Variants in SHQ1 observed in about 807,000 individuals in gnomAD.
The protein encoded by SHQ1 is SHQ1, H/ACA ribonucleoprotein assembly factor.
In SHQ1, 49 loss-of-function variants were observed where a neutral mutation model predicts 53.8. The ratio of observed to expected loss-of-function variants is 0.91; its 90% CI spans 0.72 to 1.16. The LOEUF (loss-of-function observed/expected upper bound fraction) is 1.16, where lower values mean the gene tolerates loss of function less well. Ranked by LOEUF, SHQ1 falls within the 50% of genes most tolerant of loss-of-function variation. The pLI is 0.00. For missense variants in SHQ1, 738 were observed against 683.1 expected, an observed-to-expected ratio of 1.08 and a Z score of -0.90; for synonymous variants, 243 against 251.0, an observed-to-expected ratio of 0.97 and a Z score of 0.30.
At chr3:72,761,579 G>T (rs889846286) in intron 10 of SHQ1, among the ~76,000 whole-genome samples, 2 of 152,180 alleles carry the variant, frequency 1.3e-5, no homozygotes, top group African/African-American at 2.4e-5. Context: ...AAGGACAAAG[G>T]TTCCTTGACA....
intron 10 of SHQ1, among the ~76,000 whole-genome samples, chr3:72,787,375 A>G (rs1470289656): frequency 3.3e-5 from 5 of 152,246 alleles, no homozygotes; most frequent in Admixed American, 3.3e-4. Context: ...ATTTGTACTG[A>G]TAAGAGTCAG....
the SHQ1 span, among the ~76,000 whole-genome samples, chr3:72,738,706 C>G: frequency 6.6e-6 from 1 of 152,336 alleles, no homozygotes; most frequent in East Asian, 1.9e-4. Flanking sequence ...CCTTCTGTAG[C>G]TCTGCTCAGA....
intron 5 of SHQ1, 122 bp from the exon 6 acceptor site, chr3:72,824,673 G>T (rs1393805422): frequency 8.8e-7 from 1 of 1,141,622 alleles, no homozygotes; most frequent in Non-Finnish European, 1.2e-6. Context: ...ACATTTCAAG[G>T]AAAGACTGAA....
chr3:72,756,339 G>A (rs771207292), intron 10 of SHQ1, among the ~76,000 whole-genome samples: 5 of 152,174 alleles, frequency 3.3e-5, no homozygotes, highest in Non-Finnish European at 7.4e-5. Flanking sequence ...GCAGTGGAGC[G>A]ATCTCAGCTC....
rs1048385834 is a variant in SHQ1, at chr3:72,848,193, C to A, written c.143+5G>T. 1 of 1,614,170 alleles carries A rather than the reference C, an allele frequency of 6.2e-7. No individual in the cohort carries two copies. The highest frequency in any genetic ancestry group is 1.1e-5 in the South Asian group (1 of 91,084). ...CTTTCCTGCGGCCAGGCACCCCGAACTCGCCTGAGAAAGTATGGCTTGGCG... is the reference window on the plus strand; with the variant it reads ...CTTTCCTGCGGCCAGGCACCCCGAAATCGCCTGAGAAAGTATGGCTTGGCG... On this transcript the variant is annotated splice_donor_5th_base_variant and intron_variant, in intron 1 of 10. Transcript: ENST00000325599.
Position 72,824,446 on chromosome 3 carries a change from T to C in SHQ1, c.705A>G (p.Glu235=). 2 of 1,611,810 alleles carry C rather than the reference T, an allele frequency of 1.2e-6. No individual in the cohort carries two copies. The highest frequency in any genetic ancestry group is 1.7e-6 in the Non-Finnish European group (2 of 1,179,638). The part of the protein sequence containing the change: ...KMMAFLEKSQ[E]QENHATLVSF... The stretch of plus-strand genomic sequence containing the variant: ...TACCTAATGTAGCATGATTTTCTTG[T>C]TCCTGACTCTTTTCCAAAAAGGCCA... The change falls in exon 6 of 11, where the codon GAA becomes GAG. Residue 235 remains glutamate, a synonymous_variant. Coordinates refer to ENST00000325599, the MANE Select transcript of SHQ1 (RefSeq NM_018130.3).
intron 4 of SHQ1, among the ~76,000 whole-genome samples, chr3:72,833,604 A>G (rs1432810780): frequency 3.3e-5 from 5 of 152,176 alleles, no homozygotes; most frequent in African/African-American, 1.2e-4. Flanking sequence ...TGCACAGTAT[A>G]TGACTTTCCA....
At chr3:72,777,084 T>C (rs576081908) in intron 10 of SHQ1, among the ~76,000 whole-genome samples, 3 of 152,196 alleles carry the variant, frequency 2.0e-5, no homozygotes, top group East Asian at 3.9e-4. Context: ...AAATGCAAAA[T>C]GCAAAAGAAT....
Position 72,792,811 on chromosome 3 carries a change from A to C in SHQ1, c.1181+105T>G, listed in dbSNP as rs540809655. On this transcript the variant is annotated intron_variant, in intron 10 of 10. Coordinates refer to ENST00000325599, the MANE Select transcript of SHQ1 (RefSeq NM_018130.3). ...AAAAAAAAAAAAAAAAAAAAAAAAA[A>C]CACAACTTACTCCTCAGGTTATTTC... The C allele has an allele frequency of 3.6e-3, 2,525 of 710,078 alleles. 17 individuals are homozygous for C. The highest frequency in any genetic ancestry group is 0.011 in the South Asian group (569 of 53,906). The allele number at this position is 710,078 out of a possible 1,614,324, so 44.0% of individuals were successfully genotyped here.
At chr3:72,844,490 T>C (rs780763339) in intron 1 of SHQ1, 67 bp from the exon 2 acceptor site, 2 of 1,161,992 alleles carry the variant, frequency 1.7e-6, no homozygotes, top group Non-Finnish European at 2.6e-6. Context: ...CCATCAATAC[T>C]TGCAAACATT....
chr3:72,844,450 A>C, intron 1 of SHQ1, 27 bp from the exon 2 acceptor site: 5 of 1,588,412 alleles, frequency 3.1e-6, no homozygotes, highest in Non-Finnish European at 4.3e-6. Context: ...GGTCTCATGA[A>C]GTCCTTAAAT....
In SHQ1 at chr3:72,824,433, C is replaced by T; in HGVS notation, c.718G>A (p.Ala240Thr). 1 of 1,610,890 alleles carries T rather than the reference C, an allele frequency of 6.2e-7. No individual in the cohort carries two copies. Among genetic ancestry groups the T allele is most frequent in the Non-Finnish European group, 8.5e-7 (1 of 1,179,546 alleles). Residue 240 changes from alanine to threonine, a missense_variant, in exon 6 of 11, where the codon GCT becomes ACT. Transcript: ENST00000325599. ...AATTTGAGTTTCTTACCTAATGTAG[C>T]ATGATTTTCTTGTTCCTGACTCTTT... ...LEKSQEQENH[A>T]TLVSFSEEEK...
rs1324987654 is a variant in SHQ1, at chr3:72,842,271, T to C, written c.331+9A>G. On this transcript the variant is annotated intron_variant, in intron 3 of 10. Transcript: ENST00000325599. ...TATCCTAATTTCCTCCCAACTGTAA[T>C]AAACATACCTATTTCTTCCACAAGT... is the stretch of plus-strand genomic sequence containing the variant. The C allele has an allele frequency of 1.2e-6, 2 of 1,612,604 alleles. No homozygotes were observed. Among genetic ancestry groups the C allele is most frequent in the East Asian group, 2.2e-5 (1 of 44,826 alleles).
chr3:72,835,384 C>T (rs187880126), intron 4 of SHQ1, among the ~76,000 whole-genome samples: 1 of 151,556 alleles, frequency 6.6e-6, no homozygotes, highest in Admixed American at 6.6e-5. Flanking sequence ...CTGCTGCTCC[C>T]TGTTACTCAC....
chr3:72,744,559 T>G (rs746170127), downstream of SHQ1, among the ~76,000 whole-genome samples: 12 of 152,364 alleles, frequency 7.9e-5, no homozygotes, highest in Non-Finnish European at 1.2e-4. Flanking sequence ...CCTGTTTGTT[T>G]TCTCCAGCCT....
chr3:72,729,886 C>T, the SHQ1 span, among the ~76,000 whole-genome samples: 2 of 151,502 alleles, frequency 1.3e-5, no homozygotes, highest in Admixed American at 6.6e-5. Flanking sequence ...GGCGCGATCT[C>T]GTCTCACTGC....
chr3:72,741,845 A>G, the SHQ1 span, among the ~76,000 whole-genome samples: 128 of 152,332 alleles, frequency 8.4e-4, no homozygotes, highest in African/African-American at 3.0e-3. Flanking sequence ...TATTTTAAAA[A>G]TAATATAGTA....
At chr3:72,798,182 G>A (rs1473736267) in intron 9 of SHQ1, among the ~76,000 whole-genome samples, 1 of 152,134 alleles carries the variant, frequency 6.6e-6, no homozygotes, top group Non-Finnish European at 1.5e-5. Context: ...TTCACTGCCT[G>A]GTTCAAAGCA....
intron 9 of SHQ1, among the ~76,000 whole-genome samples, chr3:72,799,396 T>C (rs1007349192): frequency 1.3e-5 from 2 of 152,206 alleles, no homozygotes; most frequent in Non-Finnish European, 2.9e-5. Context: ...ATTTTAACAC[T>C]AATTTTCATA....
Sources: gnomAD v4.1 joint callset for allele counts (sites outside exome capture counted in the v4.1 genomes callset) on GRCh38, gnomAD v4.1.1 for gene constraint, MANE v1.5 for transcripts, NCBI Gene and HGNC (gene_info 2026-07-23, HGNC 2026-07-21) for gene names.